USP7: variants seen among roughly 807,000 people sequenced by gnomAD.
The protein encoded by USP7 is ubiquitin specific peptidase 7.
In USP7, 9 loss-of-function variants were observed where a neutral mutation model predicts 162.9. That is an observed-to-expected ratio of 0.06 (90% CI 0.03 to 0.10). The LOEUF is 0.10. Among genes scored for constraint, USP7 ranks in the 10% least tolerant of loss-of-function variants. The probability of loss-of-function intolerance (pLI) is 1.00; values close to 1 mark genes in which losing one functional copy is unlikely to be tolerated. For synonymous variants in USP7, 562 were observed against 475.9 expected (o/e 1.18, Z -2.35); for missense variants, 715 against 1,373.7 (o/e 0.52, Z 7.58).
In USP7 at chr16:8,919,288, C is replaced by G. The variant is rs190107689; in HGVS notation, c.612-149G>C. 4.1e-6 allele frequency: 3 copies of G among 732,066 alleles called. No individual in the cohort carries two copies. The African/African-American group carries it at 5.3e-5, about 13-fold the overall frequency. 45.3% of individuals were successfully genotyped at this position (732,066 alleles called of 1,614,324 possible). A position where few individuals can be genotyped will look rare whatever the true frequency, so the allele number is the denominator to read the frequency against. ...GCATCCTTCAATGGTCACCGATTCC[C>G]TTCTGCTTGCTCCAGTGTGTGAACT... On this transcript the variant is annotated intron_variant, in intron 5 of 30. Transcript: ENST00000344836.
At chr16:8,906,708 A>T in intron 12 of USP7, 126 bp from the exon 13 acceptor site, 1 of 894,992 alleles carries the variant, frequency 1.1e-6, no homozygotes, top group Non-Finnish European at 1.7e-6. Context: ...TTGCCTTGGG[A>T]AGGCCTATGA....
Position 8,950,504 on chromosome 16 carries a change from C to A in USP7, c.79+12703G>T, listed in dbSNP as rs530946144. Among the ~76,000 whole-genome samples the A allele has an allele frequency of 3.3e-5, 5 of 152,300 alleles. No individual in the cohort carries two copies. In the East Asian group the frequency reaches 7.7e-4, roughly 23 times the overall value. Reference sequence around the variant, plus strand: ...TAATTCTTCCTCTCCAGACCCCTTACCCCAAGGCAATTAACCCCAACTTGA... The same window carrying A: ...TAATTCTTCCTCTCCAGACCCCTTAACCCAAGGCAATTAACCCCAACTTGA... On this transcript the variant is annotated intron_variant, in intron 1 of 30. Coordinates refer to ENST00000344836, the MANE Select transcript of USP7 (RefSeq NM_003470.3).
At chr16:8,929,762 A>C (rs945808279) in intron 2 of USP7, among the ~76,000 whole-genome samples, 3 of 152,242 alleles carry the variant, frequency 2.0e-5, no homozygotes, top group African/African-American at 4.8e-5. Flanking sequence ...AAAAATGTCC[A>C]TGCACATACA....
intron 1 of USP7, among the ~76,000 whole-genome samples, chr16:8,932,672 T>C (rs1408098888): frequency 6.6e-6 from 1 of 152,182 alleles, no homozygotes; most frequent in Non-Finnish European, 1.5e-5. Flanking sequence ...TCCACATTCA[T>C]TTTCCTTAGA....
intron 4 of USP7, 132 bp from the exon 5 acceptor site, chr16:8,920,579 T>G: frequency 1.4e-6 from 1 of 717,686 alleles, no homozygotes. Flanking sequence ...CCAACTTTTT[T>G]GCTAATTTTA....
chr16:8,929,045 T>TAA (rs35836333), intron 2 of USP7, among the ~76,000 whole-genome samples: 96 of 142,362 alleles, frequency 6.7e-4, no homozygotes, highest in South Asian at 3.0e-3. Context: ...ACCTCCCCCC[T>TAA]AAAAAAAAAA....
intron 13 of USP7, 68 bp downstream of exon 13, chr16:8,906,358 C>T (rs142678397): frequency 1.9e-6 from 3 of 1,547,934 alleles, no homozygotes; most frequent in South Asian, 1.2e-5. Flanking sequence ...GGAACCAGAA[C>T]AGGCTGAAGC....
chr16:8,899,042 A>G, intron 23 of USP7, 79 bp downstream of exon 23: 2 of 1,454,776 alleles, frequency 1.4e-6, no homozygotes, highest in Non-Finnish European at 1.9e-6. Context: ...CTAATTATTA[A>G]AATTAGTTCC....
At chr16:8,955,581 C>G (rs58598594) in intron 1 of USP7, among the ~76,000 whole-genome samples, 1 of 152,014 alleles carries the variant, frequency 6.6e-6, no homozygotes, top group Non-Finnish European at 1.5e-5. Context: ...CGGCGCGCCC[C>G]TGTAGTCCTG....
intron 1 of USP7, among the ~76,000 whole-genome samples, chr16:8,943,425 G>A (rs567346238): frequency 6.6e-5 from 10 of 152,128 alleles, no homozygotes; most frequent in South Asian, 4.2e-4. Flanking sequence ...ACGCACGGCC[G>A]GAACCGAGCT....
chr16:8,931,698 A>C lies in USP7; in HGVS notation c.80-1301T>G, dbSNP rs141390998. ...TGTAAATTACAACAACATTCCAATC[A>C]CTTTTCATTAATTTTAAAGCATAAA... On this transcript the variant is annotated intron_variant, in intron 1 of 30. Transcript: ENST00000344836. 8.8e-4 allele frequency among the ~76,000 whole-genome samples: 134 copies of C among 152,320 alleles called. 4 individuals carry two copies. The East Asian group carries it at 0.024, about 27-fold the overall frequency.
Position 8,934,146 on chromosome 16 carries a change from C to T in USP7, c.80-3749G>A, listed in dbSNP as rs112387204. Among the ~76,000 whole-genome samples the T allele has an allele frequency of 2.4e-3, 372 of 152,318 alleles. 10 individuals are homozygous for T. The highest frequency in any genetic ancestry group is 6.8e-3 in the Middle Eastern group (2 of 294). On this transcript the variant is annotated intron_variant, in intron 1 of 30. Transcript: ENST00000344836. Reference sequence around the variant, plus strand: ...TTACCCTACGACAATAGCTTTAAAACATGGTTTTAATGCATGGATGCAAAA... The same window carrying T: ...TTACCCTACGACAATAGCTTTAAAATATGGTTTTAATGCATGGATGCAAAA...
intron 2 of USP7, among the ~76,000 whole-genome samples, 181 bp from the exon 3 acceptor site, chr16:8,923,594 GGATT>G (rs1188843358): frequency 1.3e-5 from 2 of 152,184 alleles, no homozygotes; most frequent in African/African-American, 4.8e-5. Flanking sequence ...GTTTCTGAAT[GGATT>G]AATTCTTCCT....
chr16:8,905,165 A>C, intron 14 of USP7, 22 bp downstream of exon 14: 1 of 1,610,542 alleles, frequency 6.2e-7, no homozygotes, highest in Non-Finnish European at 8.5e-7. Context: ...TAAAGAACAG[A>C]ACAAAAGTGA....
At chr16:8,899,876 CA>C in intron 21 of USP7, 119 bp from the exon 22 acceptor site, 2 of 1,283,636 alleles carry the variant, frequency 1.6e-6, no homozygotes, top group Admixed American at 3.8e-5. Context: ...AAGATAAATT[CA>C]GGTTCCCCTT....
At chr16:8,952,933 T>A (rs1427044744) in intron 1 of USP7, among the ~76,000 whole-genome samples, 1 of 151,774 alleles carries the variant, frequency 6.6e-6, no homozygotes, top group Non-Finnish European at 1.5e-5. Flanking sequence ...GCTTCCTGGG[T>A]TCAAGCGATT....
chr16:8,918,042 G>T (rs765229568), intron 6 of USP7, among the ~76,000 whole-genome samples: 1 of 151,924 alleles, frequency 6.6e-6, no homozygotes, highest in Admixed American at 6.6e-5. Flanking sequence ...CGCCCGCCTC[G>T]GCCTCCCAAA....
At chr16:8,956,255 T>A (rs978935585) in intron 1 of USP7, 1 of 152,226 alleles carries the variant, frequency 6.6e-6, no homozygotes, top group Non-Finnish European at 1.5e-5. Flanking sequence ...GGGAGCCTCC[T>A]TCCTTCTAAA....
chr16:8,912,954 C>T (rs1454661601), intron 10 of USP7, among the ~76,000 whole-genome samples: 2 of 152,082 alleles, frequency 1.3e-5, no homozygotes, highest in South Asian at 2.1e-4. Flanking sequence ...CAACAGAAAC[C>T]GCAGCACAAA....
Sources: allele counts gnomAD v4.1 joint callset (sites outside exome capture counted in the v4.1 genomes callset), GRCh38; gene constraint gnomAD v4.1.1; transcripts MANE v1.5; gene names NCBI Gene and HGNC (gene_info 2026-07-23, HGNC 2026-07-21).